PAPSS1: variants seen among roughly 807,000 people sequenced by gnomAD.
PAPSS1 encodes 3'-phosphoadenosine 5'-phosphosulfate synthase 1.
Under a neutral mutation model 72.0 loss-of-function variants are expected in PAPSS1, and 50 were observed. The observed-to-expected ratio is 0.69, with a 90% confidence interval of 0.55 to 0.88. The LOEUF (loss-of-function observed/expected upper bound fraction) is 0.88, where lower values mean the gene tolerates loss of function less well. PAPSS1 is among the 40% of genes least tolerant of loss of function. PAPSS1 has a pLI of 0.00. For missense variants in PAPSS1, 657 were observed against 782.2 expected, an observed-to-expected ratio of 0.84 and a Z score of 1.91; for synonymous variants, 261 against 263.6, an observed-to-expected ratio of 0.99 and a Z score of 0.09.
chr4:107,625,414 T>C (rs1726065189), intron 11 of PAPSS1, among the ~76,000 whole-genome samples: 1 of 151,990 alleles, frequency 6.6e-6, no homozygotes, highest in African/African-American at 2.4e-5. Flanking sequence ...GGATGCAACA[T>C]GAGGGAGGTT....
chr4:107,632,154 T>G (rs574129937), intron 10 of PAPSS1, among the ~76,000 whole-genome samples: 1 of 152,240 alleles, frequency 6.6e-6, no homozygotes, highest in South Asian at 2.1e-4. Flanking sequence ...GATGTTTGAT[T>G]TTACACAACT....
At chr4:107,685,623 G>A (rs750164011) in intron 4 of PAPSS1, among the ~76,000 whole-genome samples, 4 of 152,204 alleles carry the variant, frequency 2.6e-5, no homozygotes, top group Non-Finnish European at 5.9e-5. Context: ...AGCTTAATGA[G>A]GTAGAGGGTT....
chr4:107,658,354 A>C (rs200216416), intron 6 of PAPSS1, among the ~76,000 whole-genome samples: 1 of 72,178 alleles, frequency 1.4e-5, no homozygotes, highest in Non-Finnish European at 3.0e-5. Flanking sequence ...GACTCCATTT[A>C]AAAAAAAAAA....
chr4:107,710,786 T>C (rs1378784157), intron 1 of PAPSS1, among the ~76,000 whole-genome samples: 1 of 152,222 alleles, frequency 6.6e-6, no homozygotes, highest in Non-Finnish European at 1.5e-5. Flanking sequence ...CTCCTGTCCA[T>C]CTGCAAAGAT....
chr4:107,655,651 T>C (rs1403076552), intron 7 of PAPSS1, among the ~76,000 whole-genome samples: 1 of 152,222 alleles, frequency 6.6e-6, no homozygotes, highest in East Asian at 1.9e-4. Flanking sequence ...AGAAATCATA[T>C]TTTTTGGACA....
At chr4:107,628,328 A>G (rs1397470343) in intron 11 of PAPSS1, among the ~76,000 whole-genome samples, 1 of 152,234 alleles carries the variant, frequency 6.6e-6, no homozygotes, top group East Asian at 1.9e-4. Flanking sequence ...TTTCAAATAA[A>G]TCAAATGACA....
At chr4:107,639,946 A>G (rs1286095313) in intron 10 of PAPSS1, among the ~76,000 whole-genome samples, 1 of 152,220 alleles carries the variant, frequency 6.6e-6, no homozygotes, top group Non-Finnish European at 1.5e-5. Context: ...GTCAATTAAC[A>G]GTGCATGGGT....
chr4:107,673,759 G>A (rs1578413015), intron 5 of PAPSS1, among the ~76,000 whole-genome samples: 2 of 151,926 alleles, frequency 1.3e-5, no homozygotes, highest in East Asian at 3.9e-4. Flanking sequence ...ATTCACCAAA[G>A]TTGAAATGAA....
At chr4:107,696,551 A>G (rs1723068308) in intron 2 of PAPSS1, among the ~76,000 whole-genome samples, 1 of 151,948 alleles carries the variant, frequency 6.6e-6, no homozygotes, top group Admixed American at 6.6e-5. Context: ...AACATACACT[A>G]GGGCCTATCG....
intron 11 of PAPSS1, among the ~76,000 whole-genome samples, chr4:107,619,964 C>T (rs1276192219): frequency 6.6e-6 from 1 of 152,182 alleles, no homozygotes; most frequent in Non-Finnish European, 1.5e-5. Flanking sequence ...TTGACTAACT[C>T]CAAAGTAGAG....
intron 10 of PAPSS1, among the ~76,000 whole-genome samples, chr4:107,635,530 A>C (rs907137309): frequency 6.6e-6 from 1 of 152,216 alleles, no homozygotes; most frequent in Non-Finnish European, 1.5e-5. Context: ...GCCAATAATT[A>C]AAGGAAATAG....
At chr4:107,617,837 A>T (rs1725860469) in intron 11 of PAPSS1, among the ~76,000 whole-genome samples, 1 of 152,224 alleles carries the variant, frequency 6.6e-6, no homozygotes, top group African/African-American at 2.4e-5. Context: ...AATGTGCAAG[A>T]AATGTCAAGT....
chr4:107,652,466 T>G (rs917084339), intron 9 of PAPSS1, among the ~76,000 whole-genome samples: 11 of 152,164 alleles, frequency 7.2e-5, no homozygotes. Flanking sequence ...CTGGAGTGCT[T>G]TATAATATAG....
intron 10 of PAPSS1, among the ~76,000 whole-genome samples, chr4:107,642,291 T>C (rs148164743): frequency 0.019 from 2,871 of 152,214 alleles, 53 homozygotes; most frequent in Non-Finnish European, 0.024. Flanking sequence ...TTAAAAATTA[T>C]GTGAAATTAT....
intron 11 of PAPSS1, among the ~76,000 whole-genome samples, chr4:107,629,659 C>T (rs1002180777): frequency 6.6e-6 from 1 of 152,072 alleles, no homozygotes; most frequent in African/African-American, 2.4e-5. Flanking sequence ...TAAAGCACAA[C>T]CAAGCAATGA....
rs1722807397 is a variant in PAPSS1 at position 107,687,143 on chromosome 4, G to T, written c.446C>A (p.Ala149Glu). Reference protein sequence around the residue: ...RNNARQIHEGASLPFFEVFVD... With the variant: ...RNNARQIHEGESLPFFEVFVD... ...AAATACTTCAAAAAACGGTAAACTT[G>T]CACCTTCATGAATTTGCCTTGCATT... The change falls in exon 4 of 12, where the codon GCA (alanine) becomes GAA (glutamate). Residue 149 changes from alanine to glutamate, a missense_variant. Physicochemically the swap from Ala to Glu is moderately radical, Grantham distance 107 (BLOSUM62 -1). Around this residue, in one of 7 missense-constraint regions of PAPSS1, gnomAD observed 119 missense variants for 171.1 expected, o/e 0.70. Transcript: ENST00000265174. 1 of 1,590,396 alleles carries T rather than the reference G, an allele frequency of 6.3e-7. No homozygotes were observed.
rs1285959181 is a variant in PAPSS1 at position 107,682,016 on chromosome 4, C to T, written c.668G>A (p.Arg223Gln). ...ATTCCTTCTTTCATCCTCTCTTACC[C>T]GTTCCTGTAGAAGTTCCACAACTTG... The part of the protein sequence containing the change: ...VQQVVELLQE[R>Q]DIVPVDASYE... Residue 223 changes from arginine to glutamine, a missense_variant and splice_region_variant, in exon 5 of 12, where the codon CGG becomes CAG. By Grantham distance (43) the Arg-to-Gln change is conservative (BLOSUM62 1). Coordinates refer to ENST00000265174, the MANE Select transcript of PAPSS1 (RefSeq NM_005443.5). 3 of 1,487,974 alleles carry T rather than the reference C, an allele frequency of 2.0e-6. No homozygotes were observed. The highest frequency in any genetic ancestry group is 1.8e-5 in the Admixed American group (1 of 56,502). The allele number at this position is 1,487,974 out of a possible 1,614,324, so 92.2% of individuals were successfully genotyped here.
At chr4:107,707,527 T>G (rs1019637812) in intron 1 of PAPSS1, among the ~76,000 whole-genome samples, 10 of 152,166 alleles carry the variant, frequency 6.6e-5, no homozygotes, top group Admixed American at 6.5e-4. Flanking sequence ...TGAGTTTCAC[T>G]GAGGTGGGCC....
At chr4:107,680,528 C>T (rs1232882933) in intron 5 of PAPSS1, among the ~76,000 whole-genome samples, 1 of 152,182 alleles carries the variant, frequency 6.6e-6, no homozygotes, top group African/African-American at 2.4e-5. Context: ...ATGCCACAGA[C>T]ATAACTGAAA....
Sources: allele counts gnomAD v4.1 joint callset (sites outside exome capture counted in the v4.1 genomes callset), GRCh38; gene constraint gnomAD v4.1.1; regional missense constraint gnomAD v4.1.1; transcripts MANE v1.5; gene names NCBI Gene and HGNC (gene_info 2026-07-23, HGNC 2026-07-21).